The following TMTC4 variants were observed in gnomAD, a reference collection of about 807,000 sequenced individuals.
TMTC4 encodes the protein transmembrane O-mannosyltransferase targeting cadherins 4.
A neutral mutation model predicts 86.0 loss-of-function variants in TMTC4; 65 were observed. The ratio of observed to expected loss-of-function variants is 0.76; its 90% CI spans 0.62 to 0.93. The LOEUF (loss-of-function observed/expected upper bound fraction) is 0.93, where lower values mean the gene tolerates loss of function less well. TMTC4 is among the 40% of genes least tolerant of loss of function. TMTC4 has a pLI of 0.00. For synonymous variants in TMTC4, 379 were observed against 382.5 expected, an observed-to-expected ratio of 0.99 and a Z score of 0.11; for missense variants, 866 against 948.1, an observed-to-expected ratio of 0.91 and a Z score of 1.14.
At chr13:100,664,648 C>T (rs886650172) in intron 3 of TMTC4, among the ~76,000 whole-genome samples, 1 of 152,138 alleles carries the variant, frequency 6.6e-6, no homozygotes, top group Non-Finnish European at 1.5e-5. Context: ...GGGCTCTGCA[C>T]GTGCGGGTCA....
chr13:100,614,220 T>C, intron 16 of TMTC4, 96 bp downstream of exon 16: 1 of 895,036 alleles, frequency 1.1e-6, no homozygotes, highest in Non-Finnish European at 1.7e-6. Flanking sequence ...TTAAACTCAG[T>C]AGGAAAAAAG....
At position 100,637,943 on chromosome 13, in the gene TMTC4, T is replaced by G; in HGVS notation, c.821A>C (p.Asp274Ala). The change falls in exon 8 of 19, where the codon GAC (aspartate) becomes GCC (alanine). Residue 274 changes from aspartate (D) to alanine (A), a missense_variant. Asp to Ala is a moderately radical substitution (Grantham distance 126). Transcript: ENST00000342624. ...GTACAGACTCACCTCTAATGACTTG[T>G]CCTTATGTAGTACCTTCTGGACAAT... ...LEIVQKVLHKDKSLENLGMLR... is the reference protein window; with the variant it reads ...LEIVQKVLHKAKSLENLGMLR... 6.2e-7 allele frequency: 1 copy of G among 1,613,506 alleles called. No individual in the cohort carries two copies. The highest frequency in any genetic ancestry group is 8.5e-7 in the Non-Finnish European group (1 of 1,179,664).
intron 7 of TMTC4, among the ~76,000 whole-genome samples, chr13:100,641,099 A>G (rs1431793842): frequency 6.6e-6 from 1 of 152,082 alleles, no homozygotes; most frequent in Non-Finnish European, 1.5e-5. Flanking sequence ...TTTTCCAGGA[A>G]AACAATGTAC....
At chr13:100,629,056 G>A (rs1880956844) in intron 12 of TMTC4, among the ~76,000 whole-genome samples, 1 of 152,140 alleles carries the variant, frequency 6.6e-6, no homozygotes, top group South Asian at 2.1e-4. Flanking sequence ...GGGTGAGACA[G>A]GAGAATCGCT....
chr13:100,634,615 T>G (rs1162474342), intron 12 of TMTC4, among the ~76,000 whole-genome samples, 190 bp downstream of exon 12: 1 of 152,094 alleles, frequency 6.6e-6, no homozygotes, highest in African/African-American at 2.4e-5. Context: ...CTTTTCAATT[T>G]TGGCTGAGTG....
Position 100,626,155 on chromosome 13 carries a change from A to C in TMTC4, c.1507-5T>G. ...TTTGCCAATGTTGTAGTGAACCTGC[A>C]GACAGAGAATAATTGGGCCATCAGC... On this transcript the variant is annotated splice_polypyrimidine_tract_variant and splice_region_variant and intron_variant, in intron 12 of 18. Transcript: ENST00000342624. 1 of 1,614,146 alleles carries C rather than the reference A, an allele frequency of 6.2e-7. No individual in the cohort carries two copies. The highest frequency in any genetic ancestry group is 8.5e-7 in the Non-Finnish European group (1 of 1,180,000).
At position 100,623,640 on chromosome 13, in the gene TMTC4, G is replaced by GTTTTTTTTTTTTTTTTTTTTT. The variant is rs71200708; in HGVS notation, c.1836+1894_1836+1895insAAAAAAAAAAAAAAAAAAAAA. Among the ~76,000 whole-genome samples, 2 of 96,166 alleles carry GTTTTTTTTTTTTTTTTTTTTT rather than the reference G, an allele frequency of 2.1e-5. 1 individual carries two copies. Among genetic ancestry groups the GTTTTTTTTTTTTTTTTTTTTT allele is most frequent in the African/African-American group, 6.9e-5 (2 of 29,002 alleles). 63.1% of individuals were successfully genotyped at this position (96,166 alleles called of 152,430 possible). ...GTCAGTTTTGGAAACTACTAGTTGG[G>GTTTTTTTTTTTTTTTTTTTTT]TTTTGTTTTTTTTTTTTTTTTTTTT... On this transcript the variant is annotated intron_variant, in intron 15 of 18. Transcript: ENST00000342624.
Position 100,632,535 on chromosome 13 carries a change from T to A in TMTC4, c.1506+2270A>T, listed in dbSNP as rs577625849. Among the ~76,000 whole-genome samples, 14 of 152,326 alleles carry A rather than the reference T, an allele frequency of 9.2e-5. No homozygotes were observed. In the South Asian group the frequency reaches 2.9e-3, roughly 32 times the overall value. On this transcript the variant is annotated intron_variant, in intron 12 of 18. Coordinates refer to ENST00000342624, the MANE Select transcript of TMTC4 (RefSeq NM_032813.5). ...GTTTAAGAAATTAAATCACAGGCAA[T>A]TTATTTTTGGTAGCATAAAATAAAT...
chr13:100,633,796 C>T (rs1881785058), intron 12 of TMTC4, among the ~76,000 whole-genome samples: 4 of 152,076 alleles, frequency 2.6e-5, no homozygotes, highest in African/African-American at 7.2e-5. Context: ...ATGCTGGAGG[C>T]AATGGTAACA....
At chr13:100,615,848 C>A (rs1168122781) in intron 15 of TMTC4, among the ~76,000 whole-genome samples, 1 of 152,208 alleles carries the variant, frequency 6.6e-6, no homozygotes, top group Non-Finnish European at 1.5e-5. Flanking sequence ...ATGATCCTGT[C>A]ATCCAGGTAG....
Position 100,663,122 on chromosome 13 carries a change from G to A in TMTC4, c.394C>T (p.Leu132Phe), listed in dbSNP as rs572095150. 1.9e-6 allele frequency: 3 copies of A among 1,614,214 alleles called. No homozygotes were observed. The African/African-American group carries it at 4.0e-5, about 22-fold the overall frequency. Residue 132 changes from leucine (L) to phenylalanine (F), a missense_variant, in exon 5 of 19, where the codon CTC becomes TTC. Transcript: ENST00000342624. The stretch of plus-strand genomic sequence containing the variant: ...AGGACAGAGATGCCACTGTGCAGGA[G>A]GATGTTGACCACGTGAAAGCCCACG... ...HPVGFHVVNILLHSGISVLMV... is the reference protein window; with the variant it reads ...HPVGFHVVNIFLHSGISVLMV...
intron 1 of TMTC4, chr13:100,674,152 CGGCGGCTCGGTGGCCCCG>C (rs927474532): frequency 1.2e-4 from 119 of 981,486 alleles, no homozygotes; most frequent in Non-Finnish European, 1.4e-4. Flanking sequence ...CGCCGGGAAG[CGGCGGCTCGGTGGCCCCG>C]GGCGCCCGGG....
chr13:100,664,219 A>T lies in TMTC4; in HGVS notation c.335+2T>A. 1 of 1,606,518 alleles carries T rather than the reference A, an allele frequency of 6.2e-7. No homozygotes were observed. Among genetic ancestry groups the T allele is most frequent in the Non-Finnish European group, 8.5e-7 (1 of 1,176,560 alleles). On this transcript the variant is annotated splice_donor_variant, in intron 4 of 18. Coordinates refer to ENST00000342624, the MANE Select transcript of TMTC4 (RefSeq NM_032813.5). LOFTEE classifies it high-confidence loss of function. ...CCCAGGCCCTTCAATGTCACAGCTT[A>T]CCTGAAAGTCAGGACGGTGAGAGGC...
Position 100,603,864 on chromosome 13 carries a change from T to G in TMTC4, c.*1130A>C, listed in dbSNP as rs753324611. 6.6e-6 allele frequency: 1 copy of G among 152,526 alleles called. No homozygotes were observed. Among genetic ancestry groups the G allele is most frequent in the Non-Finnish European group, 1.5e-5 (1 of 68,032 alleles). 9.4% of individuals were successfully genotyped at this position (152,526 alleles called of 1,614,324 possible). A position where few individuals can be genotyped will look rare whatever the true frequency, so the allele number is the denominator to read the frequency against. ...TGATTTGGTCAGTTTGATTTCATTT[T>G]AAGGTAAAGGAGGATACAAAGTTCA... On this transcript the variant is annotated 3_prime_UTR_variant, in exon 19 of 19. Transcript: ENST00000342624.
rs1886147290 is a variant in TMTC4 at position 100,664,296 on chromosome 13, T to C, written c.260A>G (p.His87Arg). 1.2e-6 allele frequency: 2 copies of C among 1,612,010 alleles called. No individual in the cohort carries two copies. Among genetic ancestry groups the C allele is most frequent in the South Asian group, 1.1e-5 (1 of 90,860 alleles). Reference sequence around the variant, plus strand: ...GCTCAGTCTACTGCCCCAGAAGTCATGATGCCACAGGTCCCCCAGGGGCGT... The same window carrying C: ...GCTCAGTCTACTGCCCCAGAAGTCACGATGCCACAGGTCCCCCAGGGGCGT... ...AETPLGDLWH[H>R]DFWGSRLSSN... Residue 87 changes from histidine to arginine, a missense_variant, in exon 4 of 19, where the codon CAT (histidine) becomes CGT (arginine). By Grantham distance (29) the His-to-Arg change is conservative. Transcript: ENST00000342624.
chr13:100,655,553 G>A lies in TMTC4; in HGVS notation c.640+828C>T, dbSNP rs188863404. Among the ~76,000 whole-genome samples, 4 of 152,228 alleles carry A rather than the reference G, an allele frequency of 2.6e-5. 1 individual carries two copies. The highest frequency in any genetic ancestry group is 9.6e-5 in the African/African-American group (4 of 41,532). ...TTATGGGGCCGGCCAATTCAACCTCGCCAGGTCTCTGGCGGCTGTGTCTCT... is the reference window on the plus strand; with the variant it reads ...TTATGGGGCCGGCCAATTCAACCTCACCAGGTCTCTGGCGGCTGTGTCTCT... On this transcript the variant is annotated intron_variant, in intron 6 of 18. Coordinates refer to ENST00000342624, the MANE Select transcript of TMTC4 (RefSeq NM_032813.5).
chr13:100,636,600 T>C lies in TMTC4; in HGVS notation c.1134A>G (p.Ala378=), dbSNP rs1253936154. The part of the protein sequence containing the change: ...SISDWRVIAL[A]ALWFCLIGLI... Reference sequence around the variant, plus strand: ...GGCCAATTAGGCAGAACCAGAGTGCTGCAAGTGCAATTACCCTCCAGTCGC... The same window carrying C: ...GGCCAATTAGGCAGAACCAGAGTGCCGCAAGTGCAATTACCCTCCAGTCGC... The change falls in exon 10 of 19, where the codon GCA becomes GCG. Residue 378 remains alanine, a synonymous_variant. Transcript: ENST00000342624. 6.2e-7 allele frequency: 1 copy of C among 1,614,230 alleles called. No individual in the cohort carries two copies. Among genetic ancestry groups the C allele is most frequent in the African/African-American group, 1.3e-5 (1 of 75,056 alleles).
intron 13 of TMTC4, 72 bp from the exon 14 acceptor site, chr13:100,625,964 C>T (rs765151286): frequency 2.1e-5 from 34 of 1,593,288 alleles, no homozygotes; most frequent in African/African-American, 1.8e-4. Context: ...TCTCAGGAAT[C>T]GGTAAAGATA....
At chr13:100,639,321 T>C (rs1381250604) in intron 7 of TMTC4, among the ~76,000 whole-genome samples, 2 of 152,228 alleles carry the variant, frequency 1.3e-5, no homozygotes, top group African/African-American at 4.8e-5. Flanking sequence ...CAAAGAATTC[T>C]GATTTTATTC....
Sources: allele counts gnomAD v4.1 joint callset (sites outside exome capture counted in the v4.1 genomes callset), GRCh38; gene constraint gnomAD v4.1.1; transcripts MANE v1.5; gene names NCBI Gene and HGNC (gene_info 2026-07-23, HGNC 2026-07-21).